Variants in NOL4L observed in about 807,000 individuals in gnomAD.
NOL4L encodes the protein nucleolar protein 4 like, also known as nucleolar protein 4-like.
In NOL4L, 7 loss-of-function variants were observed where a neutral mutation model predicts 64.5. The ratio of observed to expected loss-of-function variants is 0.11; its 90% CI spans 0.06 to 0.20. The LOEUF (loss-of-function observed/expected upper bound fraction) is 0.20, where lower values mean the gene tolerates loss of function less well. NOL4L is among the 10% of genes least tolerant of loss of function. The pLI, the probability that NOL4L is intolerant of heterozygous loss-of-function variation, is 1.00. For synonymous variants in NOL4L, 413 were observed against 401.0 expected (o/e 1.03, Z -0.36); for missense variants, 680 against 967.1 (o/e 0.70, Z 3.94).
intron 3 of NOL4L, among the ~76,000 whole-genome samples, chr20:32,515,864 C>T (rs1205140519): frequency 2.0e-5 from 3 of 152,142 alleles, no homozygotes; most frequent in African/African-American, 7.2e-5. Context: ...CAACAAGAGC[C>T]CAGAGAGATC....
intron 5 of NOL4L, among the ~76,000 whole-genome samples, chr20:32,469,196 A>C (rs1024362809): frequency 3.9e-5 from 6 of 152,162 alleles, no homozygotes; most frequent in Admixed American, 2.6e-4. Flanking sequence ...GCTGGCCCAC[A>C]TCAGTGTCAG....
chr20:32,508,057 A>G (rs1038148040), intron 4 of NOL4L, among the ~76,000 whole-genome samples: 1 of 152,236 alleles, frequency 6.6e-6, no homozygotes, highest in African/African-American at 2.4e-5. Flanking sequence ...TATCCTGGTT[A>G]CCGGTTACTT....
chr20:32,522,150 GGGCTCTTGGA>G (rs2017967478), intron 2 of NOL4L, among the ~76,000 whole-genome samples: 1 of 152,244 alleles, frequency 6.6e-6, no homozygotes, highest in Admixed American at 6.5e-5. Context: ...GGCTGTGGCT[GGGCTCTTGGA>G]GGACCAGCTC....
intron 5 of NOL4L, among the ~76,000 whole-genome samples, chr20:32,465,513 G>C (rs1037726069): frequency 6.6e-6 from 1 of 152,230 alleles, no homozygotes; most frequent in African/African-American, 2.4e-5. Context: ...CTGCCTGTGT[G>C]TGGGTGTTCT....
Position 32,447,429 on chromosome 20 carries a change from A to AAAAAAAAAATT in NOL4L, c.*166_*167insAATTTTTTTTT. 1.3e-6 allele frequency: 1 copy of AAAAAAAAAATT among 757,714 alleles called. No homozygotes were observed. Among genetic ancestry groups the AAAAAAAAAATT allele is most frequent in the Non-Finnish European group, 2.0e-6 (1 of 494,146 alleles). The allele number at this position is 757,714 out of a possible 1,614,324, so 46.9% of individuals were successfully genotyped here. On this transcript the variant is annotated 3_prime_UTR_variant, in exon 11 of 11. Transcript: ENST00000621426. Reference sequence around the variant, plus strand: ...AAAAAAAAAAAAAAAAAAAAAAAAAAGTGTCCTTGTGCCCAAAGTCTCAGG... The same window carrying AAAAAAAAAATT: ...AAAAAAAAAAAAAAAAAAAAAAAAAAAAAAAAAAATTGTGTCCTTGTGCCCAAAGTCTCAGG...
chr20:32,524,380 A>G (rs1229286473), intron 2 of NOL4L, among the ~76,000 whole-genome samples: 3 of 152,194 alleles, frequency 2.0e-5, no homozygotes, highest in African/African-American at 7.2e-5. Flanking sequence ...GAATACCTCC[A>G]GTTTCAGAAA....
intron 1 of NOL4L, among the ~76,000 whole-genome samples, chr20:32,535,274 G>GAAA (rs34876681): frequency 1.6e-5 from 2 of 123,440 alleles, no homozygotes; most frequent in Non-Finnish European, 3.6e-5. Flanking sequence ...ACTGGAAATT[G>GAAA]AAAAAAAAAA....
chr20:32,511,245 G>A lies in NOL4L; in HGVS notation c.699+102C>T, dbSNP rs889162577. On this transcript the variant is annotated intron_variant, in intron 4 of 10. Coordinates refer to ENST00000621426, the MANE Select transcript of NOL4L (RefSeq NM_001256798.2). ...CAGATAAGGGCCTCTTTGATTTCCC[G>A]TGTGTTTACACAAGCTGTGGCCCCA... The A allele has an allele frequency of 7.1e-6, 5 of 704,168 alleles. No homozygotes were observed. The East Asian group carries it at 8.2e-5, about 12-fold the overall frequency. The allele number at this position is 704,168 out of a possible 1,614,324, so 43.6% of individuals were successfully genotyped here.
intron 1 of NOL4L, among the ~76,000 whole-genome samples, 156 bp downstream of exon 1, chr20:32,584,414 C>A: frequency 1.3e-5 from 2 of 151,374 alleles, no homozygotes; most frequent in Non-Finnish European, 1.5e-5. Flanking sequence ...CGGGAAGGGC[C>A]GGTGAGCAGG....
Position 32,445,810 on chromosome 20 carries a change from G to A in NOL4L, c.*1786C>T, listed in dbSNP as rs2012304276. The A allele has an allele frequency of 6.6e-6, 1 of 152,270 alleles. No homozygotes were observed. Among genetic ancestry groups the A allele is most frequent in the South Asian group, 2.1e-4 (1 of 4,828 alleles). 9.4% of individuals were successfully genotyped at this position (152,270 alleles called of 1,614,324 possible). ...TCTAGGGGCCGGAAGTAAGCACGGG[G>A]TGGGCACCCTACCTTTCAGAGTTCT... On this transcript the variant is annotated 3_prime_UTR_variant, in exon 11 of 11. Coordinates refer to ENST00000621426, the MANE Select transcript of NOL4L (RefSeq NM_001256798.2).
intron 1 of NOL4L, chr20:32,537,047 A>ACCTGC (rs1449273440): frequency 7.1e-6 from 7 of 979,580 alleles, no homozygotes; most frequent in African/African-American, 1.8e-5. Flanking sequence ...CTCCCGGCGC[A>ACCTGC]CCTGCCCTGC....
intron 2 of NOL4L, among the ~76,000 whole-genome samples, chr20:32,523,751 C>T (rs1297837554): frequency 6.6e-6 from 1 of 152,186 alleles, no homozygotes; most frequent in Admixed American, 6.5e-5. Context: ...CTGCCTTGCT[C>T]CCCGGGCCTC....
intron 10 of NOL4L, among the ~76,000 whole-genome samples, chr20:32,449,182 G>C (rs538887782): frequency 3.1e-4 from 47 of 152,332 alleles, no homozygotes; most frequent in African/African-American, 1.1e-3. Flanking sequence ...CGCTTCCCTG[G>C]GAAGCCTTCT....
intron 1 of NOL4L, chr20:32,532,282 A>T: frequency 1.1e-6 from 1 of 877,794 alleles, no homozygotes; most frequent in Non-Finnish European, 1.4e-6. Context: ...TGGAGCGACC[A>T]GAACTCAAAC....
At chr20:32,584,133 G>GCACACACACACACACACACACACACACA (rs745461984) in intron 1 of NOL4L, among the ~76,000 whole-genome samples, 2 of 88,800 alleles carry the variant, frequency 2.3e-5, no homozygotes, top group African/African-American at 1.0e-4. Flanking sequence ...CTCCGCGCGC[G>GCACACACACACACACACACACACACACA]CACACACACA....
chr20:32,491,915 A>C (rs2016484415), intron 4 of NOL4L, among the ~76,000 whole-genome samples: 1 of 152,210 alleles, frequency 6.6e-6, no homozygotes. Context: ...CTGGAGTTCG[A>C]GATAAGCCTG....
chr20:32,496,977 G>A (rs1277952540), intron 4 of NOL4L, among the ~76,000 whole-genome samples: 1 of 149,008 alleles, frequency 6.7e-6, no homozygotes, highest in African/African-American at 2.5e-5. Flanking sequence ...CCCGCCTGCC[G>A]GGATCCACAC....
At chr20:32,524,790 T>C (rs992542087) in intron 2 of NOL4L, among the ~76,000 whole-genome samples, 6 of 151,192 alleles carry the variant, frequency 4.0e-5, no homozygotes, top group Middle Eastern at 3.4e-3. Flanking sequence ...TCGAGGAAAA[T>C]GGGAGCAGAT....
At chr20:32,530,492 G>T (rs181305480) in intron 1 of NOL4L, among the ~76,000 whole-genome samples, 5 of 151,742 alleles carry the variant, frequency 3.3e-5, no homozygotes, top group African/African-American at 1.2e-4. Flanking sequence ...AGTGAGCCGA[G>T]ATCGCGCCAC....
Sources: allele counts gnomAD v4.1 joint callset (sites outside exome capture counted in the v4.1 genomes callset), GRCh38; gene constraint gnomAD v4.1.1; transcripts MANE v1.5; gene names NCBI Gene and HGNC (gene_info 2026-07-23, HGNC 2026-07-21).